The following CUX2 variants were observed in gnomAD, a reference collection of about 807,000 sequenced individuals.
CUX2 encodes the protein cut like homeobox 2, also known as homeobox protein cut-like 2.
CUX2 carries 40 observed loss-of-function variants against 144.8 expected under a neutral mutation model. The ratio of observed to expected loss-of-function variants is 0.28; its 90% CI spans 0.21 to 0.36. The LOEUF (loss-of-function observed/expected upper bound fraction) is 0.36, where lower values mean the gene tolerates loss of function less well. CUX2 is among the 10% of genes least tolerant of loss of function. The pLI is 1.00. For missense variants in CUX2, 1,615 were observed against 1,994.0 expected, an observed-to-expected ratio of 0.81 and a Z score of 3.62; for synonymous variants, 827 against 875.6, an observed-to-expected ratio of 0.94 and a Z score of 0.98.
chr12:111,328,568 C>A (rs927446496), intron 18 of CUX2, among the ~76,000 whole-genome samples: 8 of 143,514 alleles, frequency 5.6e-5, no homozygotes, highest in Non-Finnish European at 1.1e-4. Flanking sequence ...TGTCTCTCTC[C>A]TCCAATTTCT....
At chr12:111,126,048 G>T (rs943888805) in intron 1 of CUX2, among the ~76,000 whole-genome samples, 26 of 148,794 alleles carry the variant, frequency 1.7e-4, no homozygotes, top group African/African-American at 6.3e-4. Context: ...GTGGCGTGGG[G>T]GGGGCGGATT....
intron 4 of CUX2, among the ~76,000 whole-genome samples, chr12:111,285,078 C>G (rs1436471915): frequency 1.3e-5 from 2 of 152,184 alleles, no homozygotes; most frequent in Non-Finnish European, 2.9e-5. Context: ...CCTGAGCATT[C>G]AGTCCTCAGT....
At chr12:111,096,574 G>T (rs561166950) in intron 1 of CUX2, among the ~76,000 whole-genome samples, 14 of 152,130 alleles carry the variant, frequency 9.2e-5, no homozygotes, top group Non-Finnish European at 1.8e-4. Flanking sequence ...CCTCTTCTCT[G>T]ATGCTTCACA....
intron 1 of CUX2, among the ~76,000 whole-genome samples, chr12:111,101,873 C>T (rs528002863): frequency 1.3e-5 from 2 of 152,252 alleles, no homozygotes; most frequent in African/African-American, 4.8e-5. Flanking sequence ...GCCTCAGTTT[C>T]CTTACCTGCA....
intron 4 of CUX2, among the ~76,000 whole-genome samples, chr12:111,266,324 A>G (rs1884383242): frequency 6.6e-6 from 1 of 152,056 alleles, no homozygotes; most frequent in African/African-American, 2.4e-5. Context: ...TAAAAATACA[A>G]AAATTAGCCA....
intron 1 of CUX2, among the ~76,000 whole-genome samples, chr12:111,075,216 AC>A: frequency 6.6e-6 from 1 of 152,238 alleles, no homozygotes. Context: ...GAGCCGTCAG[AC>A]CGCAGCCAAC....
In CUX2 at chr12:111,342,086, G is replaced by A. The variant is rs748767553; in HGVS notation, c.3659+33G>A. On this transcript the variant is annotated intron_variant, in intron 21 of 21. Transcript: ENST00000261726. The stretch of plus-strand genomic sequence containing the variant: ...TATGGGGGCGTACCCACAGGCGGGT[G>A]GCAGAATCCAGGTGGGACCCCTTCC... 8 of 1,581,720 alleles carry A rather than the reference G, an allele frequency of 5.1e-6. No homozygotes were observed. The Admixed American group carries it at 1.4e-4, about 27-fold the overall frequency.
chr12:111,185,410 A>T (rs1373656652), intron 1 of CUX2, among the ~76,000 whole-genome samples: 1 of 152,204 alleles, frequency 6.6e-6, no homozygotes, highest in Non-Finnish European at 1.5e-5. Context: ...GCAGCTCTCT[A>T]TGCCTCACTT....
intron 1 of CUX2, among the ~76,000 whole-genome samples, chr12:111,130,245 T>A (rs1300162261): frequency 6.6e-6 from 1 of 152,228 alleles, no homozygotes; most frequent in Non-Finnish European, 1.5e-5. Flanking sequence ...GTGAATTGAT[T>A]GAGGGGCTGT....
At chr12:111,144,597 T>C (rs1876543335) in intron 1 of CUX2, among the ~76,000 whole-genome samples, 1 of 152,208 alleles carries the variant, frequency 6.6e-6, no homozygotes, top group Non-Finnish European at 1.5e-5. Flanking sequence ...ATATTTCCTC[T>C]CCTGTGCATC....
chr12:111,338,503 G>A (rs1237037945), intron 20 of CUX2, 29 bp downstream of exon 20: 39 of 1,579,086 alleles, frequency 2.5e-5, no homozygotes, highest in Non-Finnish European at 3.4e-5. Context: ...ATGGGCCCCA[G>A]CACTGGGTCT....
chr12:111,333,942 C>T (rs1888227324), intron 18 of CUX2, among the ~76,000 whole-genome samples: 1 of 152,014 alleles, frequency 6.6e-6, no homozygotes, highest in Non-Finnish European at 1.5e-5. Flanking sequence ...AATCCCAGCA[C>T]TTTGGGAGGC....
At chr12:111,058,096 T>C (rs940649730) in intron 1 of CUX2, among the ~76,000 whole-genome samples, 4 of 152,238 alleles carry the variant, frequency 2.6e-5, no homozygotes, top group African/African-American at 9.7e-5. Context: ...TTAAACATTA[T>C]TCAGGCATTG....
At chr12:111,082,266 C>G (rs1395221822) in intron 1 of CUX2, among the ~76,000 whole-genome samples, 1 of 151,368 alleles carries the variant, frequency 6.6e-6, no homozygotes, top group Non-Finnish European at 1.5e-5. Flanking sequence ...CAGAGATGAG[C>G]GGGAGAGAGA....
chr12:111,259,793 CA>C (rs770448329), intron 3 of CUX2, among the ~76,000 whole-genome samples: 11,819 of 74,270 alleles, frequency 0.16, 649 homozygotes, highest in East Asian at 0.32. Context: ...GACTCTGTCT[CA>C]AAAAAAAAAA....
At chr12:111,207,333 A>G (rs1880975312) in intron 1 of CUX2, among the ~76,000 whole-genome samples, 1 of 152,166 alleles carries the variant, frequency 6.6e-6, no homozygotes, top group Admixed American at 6.5e-5. Flanking sequence ...AATTACTTAT[A>G]CCCAAGCTTG....
At chr12:111,297,107 C>G (rs1886045695) in intron 8 of CUX2, among the ~76,000 whole-genome samples, 1 of 151,004 alleles carries the variant, frequency 6.6e-6, no homozygotes, top group African/African-American at 2.4e-5. Flanking sequence ...CTCCCTCTGA[C>G]CCTCCCAGAT....
chr12:111,210,686 A>G (rs537767929), intron 1 of CUX2, among the ~76,000 whole-genome samples: 4 of 152,130 alleles, frequency 2.6e-5, no homozygotes, highest in Admixed American at 1.3e-4. Flanking sequence ...AGTCACAGCT[A>G]CTAGGGAGGC....
At chr12:111,168,779 A>C (rs189849279) in intron 1 of CUX2, among the ~76,000 whole-genome samples, 173 of 152,358 alleles carry the variant, frequency 1.1e-3, no homozygotes, top group African/African-American at 4.1e-3. Flanking sequence ...CGATGGAAGT[A>C]GCTAATAAGA....
Sources: allele counts gnomAD v4.1 joint callset (sites outside exome capture counted in the v4.1 genomes callset), GRCh38; gene constraint gnomAD v4.1.1; transcripts MANE v1.5; gene names NCBI Gene and HGNC (gene_info 2026-07-23, HGNC 2026-07-21).